Variants in SMUG1 observed in about 807,000 individuals in gnomAD.
SMUG1 encodes the protein single-strand selective monofunctional uracil DNA glycosylase.
In SMUG1, 13 loss-of-function variants were observed where a neutral mutation model predicts 23.9. The observed-to-expected ratio is 0.54, with a 90% CI of 0.35 to 0.86. The LOEUF is 0.86. Ranked by LOEUF, SMUG1 falls within the 40% of genes least tolerant of loss-of-function variation. SMUG1 has a pLI of 0.01. For missense variants in SMUG1, 313 were observed against 339.5 expected (o/e 0.92, Z 0.61); for synonymous variants, 133 against 139.8 (o/e 0.95, Z 0.34).
downstream of SMUG1, among the ~76,000 whole-genome samples, chr12:54,160,128 C>T (rs1034808611): frequency 6.6e-6 from 1 of 152,080 alleles, no homozygotes; most frequent in Non-Finnish European, 1.5e-5. Context: ...TGGGCAGGGA[C>T]CCCCCCACCC....
Position 54,183,825 on chromosome 12 carries a change from T to C in SMUG1, c.116A>G (p.Asn39Ser), listed in dbSNP as rs760584633. The C allele has an allele frequency of 9.3e-6, 15 of 1,613,918 alleles. No individual in the cohort carries two copies. Among genetic ancestry groups the C allele is most frequent in the Admixed American group, 6.7e-5 (4 of 59,986 alleles). Residue 39 changes from asparagine (N) to serine (S), a missense_variant, in exon 3 of 4, where the codon AAT becomes AGT. Coordinates refer to ENST00000682136, the MANE Select transcript of SMUG1 (RefSeq NM_001243787.2). Reference protein sequence around the residue: ...ESFLEEELRLNAELSQLQFSE... With the variant: ...ESFLEEELRLSAELSQLQFSE... ...AAACTGCAGCTGGCTCAGCTCAGCA[T>C]TGAGCCGAAGCTCCTCCTCCAGGAA...
chr12:54,170,926 A>C (rs1175711423), intron 3 of SMUG1, among the ~76,000 whole-genome samples: 1 of 149,770 alleles, frequency 6.7e-6, no homozygotes, highest in Non-Finnish European at 1.5e-5. Context: ...ATGACAGATA[A>C]ATGCACCTCT....
rs1449849166 is a variant in SMUG1 at position 54,182,138 on chromosome 12, T to A, written c.771A>T (p.Glu257Asp). The A allele has an allele frequency of 6.4e-7, 1 of 1,574,356 alleles. No individual in the cohort carries two copies. The highest frequency in any genetic ancestry group is 1.4e-5 in the African/African-American group (1 of 73,938). The change falls in exon 4 of 4, where the codon GAA becomes GAT. Residue 257 changes from glutamate to aspartate, a missense_variant. Coordinates refer to ENST00000682136, the MANE Select transcript of SMUG1 (RefSeq NM_001243787.2). ...GCAGCAGCCCCAGCTCATTCAATCT[T>A]TCCTTGGCCACTGCCTCCCAGCCCT... ...ANKGWEAVAK[E>D]RLNELGLLPL...
chr12:54,183,368 A>C, intron 3 of SMUG1: 1 of 553,976 alleles, frequency 1.8e-6, no homozygotes, highest in Non-Finnish European at 3.2e-6. Flanking sequence ...GACAGGGGAG[A>C]TCCAGTAAAG....
Position 54,182,448 on chromosome 12 carries a change from A to T in SMUG1, c.461T>A (p.Val154Asp), listed in dbSNP as rs1941322083. The change falls in exon 4 of 4, where the codon GTC becomes GAC. Residue 154 changes from valine to aspartate, a missense_variant. Val to Asp is a radical substitution (Grantham distance 152). Transcript: ENST00000682136. Reference protein sequence around the residue: ...FFRNLCGQPEVFFHHCFVHNL... With the variant: ...FFRNLCGQPEDFFHHCFVHNL... ...GTGGACAAAACAGTGATGGAAGAAG[A>T]CCTCAGGCTGTCCACAGAGGTTCCG... 7 of 1,614,112 alleles carry T rather than the reference A, an allele frequency of 4.3e-6. No individual in the cohort carries two copies. In the Middle Eastern group the frequency reaches 6.6e-4, roughly 152 times the overall value.
At chr12:54,177,304 G>T (rs1940781188), downstream of SMUG1, among the ~76,000 whole-genome samples, 1 of 152,108 alleles carries the variant, frequency 6.6e-6, no homozygotes, top group South Asian at 2.1e-4. Context: ...TGAGACACTT[G>T]TTTTTTTAAA....
At chr12:54,169,215 T>C (rs1168341276) in intron 3 of SMUG1, among the ~76,000 whole-genome samples, 1 of 152,120 alleles carries the variant, frequency 6.6e-6, no homozygotes, top group Non-Finnish European at 1.5e-5. Context: ...GGAACATGAC[T>C]GCTGTGTGGA....
intron 3 of SMUG1, among the ~76,000 whole-genome samples, chr12:54,170,568 A>AT (rs565414988): frequency 8.8e-5 from 13 of 148,462 alleles, no homozygotes; most frequent in East Asian, 5.9e-4. Context: ...ATGTCTCAGC[A>AT]TTTTTTTTTT....
At chr12:54,182,669 G>A in intron 3 of SMUG1, 46 bp from the exon 4 acceptor site, 1 of 1,563,366 alleles carries the variant, frequency 6.4e-7, no homozygotes, top group Middle Eastern at 1.7e-4. Flanking sequence ...CTGGAGACCT[G>A]AGGCCCGGGC....
chr12:54,186,285 A>C lies in SMUG1; in HGVS notation c.-20+1534T>G, dbSNP rs866026831. Among the ~76,000 whole-genome samples, 18 of 147,304 alleles carry C rather than the reference A, an allele frequency of 1.2e-4. 1 individual carries two copies. The South Asian group carries it at 3.3e-3, about 27-fold the overall frequency. ...GTATTTGCCATAGTGTCCCAACCCC[A>C]CCCCCAACACAAGTAGGTCCCGTGT... On this transcript the variant is annotated intron_variant, in intron 2 of 3. Coordinates refer to ENST00000682136, the MANE Select transcript of SMUG1 (RefSeq NM_001243787.2).
chr12:54,184,991 C>A (rs1942002886), intron 2 of SMUG1, among the ~76,000 whole-genome samples: 1 of 152,110 alleles, frequency 6.6e-6, no homozygotes, highest in African/African-American at 2.4e-5. Flanking sequence ...TGGCGAAACC[C>A]CGTCTCTACT....
intron 2 of SMUG1, among the ~76,000 whole-genome samples, chr12:54,186,499 A>C (rs3136377): frequency 1.3e-5 from 2 of 151,472 alleles, no homozygotes; most frequent in African/African-American, 2.4e-5. Context: ...GCAGCACCAC[A>C]CCCGGCTAAT....
At chr12:54,186,429 G>C (rs1379931767) in intron 2 of SMUG1, among the ~76,000 whole-genome samples, 2 of 151,582 alleles carry the variant, frequency 1.3e-5, no homozygotes, top group African/African-American at 4.8e-5. Context: ...TGCAACCTCT[G>C]CCTCCCGGGT....
At chr12:54,173,251 G>C (rs1940668190) in intron 2 of SMUG1, 1 of 153,788 alleles carries the variant, frequency 6.5e-6, no homozygotes, top group South Asian at 2.1e-4. Flanking sequence ...CACCCAGCGA[G>C]AGAGCAAACG....
intron 2 of SMUG1, chr12:54,173,271 T>C (rs1202234032): frequency 6.6e-6 from 1 of 152,466 alleles, no homozygotes; most frequent in Non-Finnish European, 1.5e-5. Context: ...GGGAGAGGCA[T>C]CGTGAGACGC....
chr12:54,166,101 G>A lies in SMUG1; in HGVS notation c.*53-623C>T, dbSNP rs1397580212. 4.6e-5 allele frequency among the ~76,000 whole-genome samples: 7 copies of A among 152,284 alleles called. No individual in the cohort carries two copies. In the Middle Eastern group the frequency reaches 0.017, roughly 370 times the overall value. On this transcript the variant is annotated intron_variant and NMD_transcript_variant, in intron 3 of 4. Transcript: ENST00000509864. Reference sequence around the variant, plus strand: ...AGCCCGGTGGAGCGCAGTGGCTCACGCCTGTAATCCCAGCCCTTTGGGAGG... The same window carrying A: ...AGCCCGGTGGAGCGCAGTGGCTCACACCTGTAATCCCAGCCCTTTGGGAGG...
At position 54,182,182 on chromosome 12, in the gene SMUG1, G is replaced by C. The variant is rs758631549; in HGVS notation, c.727C>G (p.Arg243Gly). The C allele has an allele frequency of 5.6e-6, 9 of 1,610,130 alleles. No individual in the cohort carries two copies. Among genetic ancestry groups the C allele is most frequent in the Non-Finnish European group, 8.5e-7 (1 of 1,177,518 alleles). ...QVEGLLHPSP[R>G]NPQANKGWEA... is the part of the protein sequence containing the mutation. Reference sequence around the variant, plus strand: ...CAGCCCTTGTTGGCCTGTGGGTTACGGGGAGAGGGATGCAGGAGCCCTTCC... The same window carrying C: ...CAGCCCTTGTTGGCCTGTGGGTTACCGGGAGAGGGATGCAGGAGCCCTTCC... The change falls in exon 4 of 4, where the codon CGT becomes GGT. Residue 243 changes from arginine to glycine, a missense_variant. Physicochemically the swap from Arg to Gly is moderately radical, Grantham distance 125. Coordinates refer to ENST00000682136, the MANE Select transcript of SMUG1 (RefSeq NM_001243787.2).
downstream of SMUG1, among the ~76,000 whole-genome samples, chr12:54,162,983 C>G (rs1401585706): frequency 6.6e-6 from 1 of 152,176 alleles, no homozygotes; most frequent in Non-Finnish European, 1.5e-5. Flanking sequence ...AGCTGTCGGG[C>G]TAGGAGGCTG....
At position 54,182,188 on chromosome 12, in the gene SMUG1, A is replaced by T. The variant is rs751998877; in HGVS notation, c.721T>A (p.Ser241Thr). ...TTGTTGGCCTGTGGGTTACGGGGAGAGGGATGCAGGAGCCCTTCCACCTGG... is the reference window on the plus strand; with the variant it reads ...TTGTTGGCCTGTGGGTTACGGGGAGTGGGATGCAGGAGCCCTTCCACCTGG... ...EVQVEGLLHP[S>T]PRNPQANKGW... Residue 241 changes from serine to threonine, a missense_variant, in exon 4 of 4, where the codon TCT (serine) becomes ACT (threonine). Transcript: ENST00000682136. The T allele has an allele frequency of 1.2e-6, 2 of 1,610,078 alleles. No individual in the cohort carries two copies. Among genetic ancestry groups the T allele is most frequent in the South Asian group, 2.2e-5 (2 of 90,740 alleles).
Sources: allele counts gnomAD v4.1 joint callset (sites outside exome capture counted in the v4.1 genomes callset), GRCh38; gene constraint gnomAD v4.1.1; transcripts MANE v1.5; gene names NCBI Gene and HGNC (gene_info 2026-07-23, HGNC 2026-07-21).